NHSL1: variants seen among roughly 807,000 people sequenced by gnomAD.
NHSL1 encodes NHS like 1, also known as NHS-like protein 1.
Under a neutral mutation model 95.0 loss-of-function variants are expected in NHSL1, and 48 were observed. The observed-to-expected ratio is 0.51, with a 90% CI of 0.40 to 0.64. The LOEUF (loss-of-function observed/expected upper bound fraction) is 0.64, where lower values mean the gene tolerates loss of function less well. NHSL1 is among the 30% of genes least tolerant of loss of function. NHSL1 has a pLI of 0.00. For missense variants in NHSL1, 1,971 were observed against 2,077.7 expected (o/e 0.95, Z 1.00); for synonymous variants, 783 against 833.9 (o/e 0.94, Z 1.05).
intron 1 of NHSL1, among the ~76,000 whole-genome samples, chr6:138,612,142 C>T (rs1423273647): frequency 6.9e-6 from 1 of 144,632 alleles, no homozygotes. Context: ...TAAGTTGAAA[C>T]TCTTGTATAC....
chr6:138,502,243 T>C (rs1329655233), upstream of NHSL1, among the ~76,000 whole-genome samples: 1 of 152,226 alleles, frequency 6.6e-6, no homozygotes. Flanking sequence ...AAAGCACTTA[T>C]TAATTAGAAA....
At chr6:138,519,391 TTAC>T (rs1401956481) in intron 1 of NHSL1, among the ~76,000 whole-genome samples, 1 of 152,226 alleles carries the variant, frequency 6.6e-6, no homozygotes, top group African/African-American at 2.4e-5. Flanking sequence ...TCAAAAATAT[TTAC>T]TTCTTCATAA....
chr6:138,612,628 T>C (rs1784529420), intron 1 of NHSL1, among the ~76,000 whole-genome samples: 1 of 152,192 alleles, frequency 6.6e-6, no homozygotes, highest in Non-Finnish European at 1.5e-5. Flanking sequence ...TCAAGAAGAA[T>C]TGTAATATTT....
intron 3 of NHSL1, among the ~76,000 whole-genome samples, chr6:138,457,020 A>G (rs1777658070): frequency 6.6e-6 from 1 of 152,014 alleles, no homozygotes; most frequent in Non-Finnish European, 1.5e-5. Context: ...AGCTGGGACT[A>G]CAGGTGCATG....
At chr6:138,636,245 A>G (rs894517876) in intron 1 of NHSL1, among the ~76,000 whole-genome samples, 7 of 152,114 alleles carry the variant, frequency 4.6e-5, no homozygotes, top group African/African-American at 1.7e-4. Flanking sequence ...CTTCAAAAAA[A>G]CTCGGTATAA....
intron 1 of NHSL1, among the ~76,000 whole-genome samples, chr6:138,632,703 A>G (rs1157604301): frequency 6.6e-6 from 1 of 152,126 alleles, no homozygotes; most frequent in Non-Finnish European, 1.5e-5. Flanking sequence ...ACAACACCCA[A>G]GTCCTTTTGA....
chr6:138,467,489 GA>G (rs1189992256), intron 3 of NHSL1, among the ~76,000 whole-genome samples: 2 of 152,106 alleles, frequency 1.3e-5, no homozygotes, highest in African/African-American at 2.4e-5. Context: ...TCCTACTTAT[GA>G]AAAAAACTTA....
chr6:138,610,560 T>TATATATATATATATA (rs1554256222), intron 1 of NHSL1, among the ~76,000 whole-genome samples: 13 of 64,598 alleles, frequency 2.0e-4, no homozygotes, highest in African/African-American at 1.0e-3. Context: ...TATATATATA[T>TATATATATATATATA]TATATATATA....
At chr6:138,648,471 C>G (rs1010880541) in intron 1 of NHSL1, among the ~76,000 whole-genome samples, 1 of 152,054 alleles carries the variant, frequency 6.6e-6, no homozygotes, top group African/African-American at 2.4e-5. Flanking sequence ...TTTAGCTGAC[C>G]GAGACCAGGT....
intron 3 of NHSL1, among the ~76,000 whole-genome samples, chr6:138,471,309 G>T (rs1315644825): frequency 6.6e-6 from 1 of 152,128 alleles, no homozygotes; most frequent in Non-Finnish European, 1.5e-5. Flanking sequence ...GTCTCACTGG[G>T]CCCCACTATA....
At chr6:138,590,003 T>C (rs1026884304) in intron 1 of NHSL1, among the ~76,000 whole-genome samples, 1 of 152,186 alleles carries the variant, frequency 6.6e-6, no homozygotes, top group African/African-American at 2.4e-5. Context: ...ACTCTTTTAT[T>C]TTATTTTACT....
intron 1 of NHSL1, among the ~76,000 whole-genome samples, chr6:138,552,589 T>C (rs796387607): frequency 3.9e-5 from 6 of 152,330 alleles, no homozygotes; most frequent in African/African-American, 1.4e-4. Flanking sequence ...GCACCCTAGC[T>C]GGCTCTCCTA....
intron 1 of NHSL1, among the ~76,000 whole-genome samples, chr6:138,557,947 T>C (rs6930047): frequency 0.12 from 17,681 of 152,208 alleles, 1,034 homozygotes; most frequent in South Asian, 0.18. Context: ...AGAAAGATGT[T>C]CATTAAAAAA....
chr6:138,429,969 G>C (rs1775523013), intron 6 of NHSL1, 126 bp from the exon 7 acceptor site: 1 of 923,082 alleles, frequency 1.1e-6, no homozygotes, highest in African/African-American at 1.7e-5. Context: ...AGATGCCGTG[G>C]GTCTGTAGTT....
rs565641514 is a variant in NHSL1, at chr6:138,612,633, A to C, written c.96+79843T>G. Among the ~76,000 whole-genome samples, 26 of 152,338 alleles carry C rather than the reference A, an allele frequency of 1.7e-4. No homozygotes were observed. The South Asian group carries it at 5.2e-3, about 30-fold the overall frequency. On this transcript the variant is annotated intron_variant, in intron 1 of 3. Coordinates refer to the NHSL1 transcript ENST00000491526. ...AGGGGGTTGGTCAAGAAGAATTGTA[A>C]TATTTGAATGTTTTTCTCTGAGAAA...
chr6:138,566,041 A>C (rs1251537288), intron 1 of NHSL1, among the ~76,000 whole-genome samples: 1 of 152,104 alleles, frequency 6.6e-6, no homozygotes, highest in African/African-American at 2.4e-5. Flanking sequence ...TATATTTTAT[A>C]ATAATTGCAT....
intron 1 of NHSL1, among the ~76,000 whole-genome samples, chr6:138,585,829 T>C (rs1784126681): frequency 6.6e-6 from 1 of 151,846 alleles, no homozygotes; most frequent in South Asian, 2.1e-4. Context: ...GGAGGACTGC[T>C]TGAGGCCAGA....
chr6:138,594,329 C>T (rs531546082), intron 1 of NHSL1, among the ~76,000 whole-genome samples: 12 of 152,126 alleles, frequency 7.9e-5, no homozygotes, highest in Admixed American at 6.5e-4. Context: ...AATGAAGCTA[C>T]GTAGAACTCA....
intron 1 of NHSL1, among the ~76,000 whole-genome samples, chr6:138,531,802 A>C (rs567787496): frequency 1.1e-4 from 17 of 152,292 alleles, no homozygotes; most frequent in Admixed American, 7.8e-4. Context: ...TGTGAGCCAC[A>C]ATACCTGGCT....
Sources: allele counts gnomAD v4.1 joint callset (sites outside exome capture counted in the v4.1 genomes callset), GRCh38; gene constraint gnomAD v4.1.1; transcripts MANE v1.5; gene names NCBI Gene and HGNC (gene_info 2026-07-23, HGNC 2026-07-21).